Variants in MAP3K3 observed in about 807,000 individuals in gnomAD.
The protein encoded by MAP3K3 is mitogen-activated protein kinase kinase kinase 3, also known as MAP/ERK kinase kinase 3.
In MAP3K3, 12 loss-of-function variants were observed where a neutral mutation model predicts 80.9. The observed-to-expected ratio is 0.15, with a 90% CI of 0.10 to 0.24. The LOEUF is 0.24. Ranked by LOEUF, MAP3K3 falls within the 10% of genes least tolerant of loss-of-function variation. MAP3K3 has a pLI of 1.00. For missense variants in MAP3K3, 596 were observed against 834.7 expected, an observed-to-expected ratio of 0.71 and a Z score of 3.52; for synonymous variants, 272 against 307.1, an observed-to-expected ratio of 0.89 and a Z score of 1.19.
intron 2 of MAP3K3, among the ~76,000 whole-genome samples, chr17:63,644,645 A>G (rs1462647829): frequency 1.3e-5 from 2 of 152,264 alleles, no homozygotes; most frequent in African/African-American, 2.4e-5. Flanking sequence ...TACAGTGTAA[A>G]TTAGAACCAC....
intron 5 of MAP3K3, among the ~76,000 whole-genome samples, chr17:63,662,227 G>A (rs1417496814): frequency 1.2e-4 from 17 of 138,694 alleles, no homozygotes; most frequent in Non-Finnish European, 3.1e-5. Context: ...GCAACATGGC[G>A]AAACCCTGTC....
intron 3 of MAP3K3, among the ~76,000 whole-genome samples, chr17:63,650,723 A>T (rs966811285): frequency 1.6e-5 from 2 of 127,192 alleles, no homozygotes; most frequent in Admixed American, 8.9e-5. Flanking sequence ...ACAGGGTCTC[A>T]TTCTGTTGCC....
intron 7 of MAP3K3, among the ~76,000 whole-genome samples, chr17:63,684,420 T>TACA (rs1231246937): frequency 2.0e-5 from 3 of 152,244 alleles, no homozygotes; most frequent in Non-Finnish European, 4.4e-5. Flanking sequence ...CCACTTTGGC[T>TACA]ATCCTATATC....
At chr17:63,690,615 G>A (rs1208952116) in intron 12 of MAP3K3, 2 of 590,998 alleles carry the variant, frequency 3.4e-6, no homozygotes, top group African/African-American at 3.7e-5. Flanking sequence ...GGAGGGATTG[G>A]GTGTAAGGAA....
chr17:63,681,703 C>T, intron 6 of MAP3K3, 63 bp from the exon 7 acceptor site: 1 of 1,344,304 alleles, frequency 7.4e-7, no homozygotes, highest in Non-Finnish European at 9.7e-7. Context: ...TGGCCCCATG[C>T]CTGCTCCTCT....
intron 1 of MAP3K3, among the ~76,000 whole-genome samples, chr17:63,624,221 A>G (rs2034053972): frequency 6.6e-6 from 1 of 152,196 alleles, no homozygotes; most frequent in African/African-American, 2.4e-5. Flanking sequence ...ATTCTTGTCT[A>G]CCCCAGGATT....
At chr17:63,657,971 C>A in intron 5 of MAP3K3, 64 bp downstream of exon 5, 2 of 910,972 alleles carry the variant, frequency 2.2e-6, no homozygotes, top group South Asian at 1.5e-5. Flanking sequence ...AGGAACTTGT[C>A]TCGCCTCCTT....
intron 7 of MAP3K3, among the ~76,000 whole-genome samples, chr17:63,684,217 G>A (rs533708426): frequency 3.9e-5 from 6 of 152,196 alleles, no homozygotes; most frequent in East Asian, 1.9e-4. Flanking sequence ...CATAAAGAAC[G>A]TCATTTTTTA....
intron 11 of MAP3K3, 104 bp from the exon 12 acceptor site, chr17:63,690,160 C>A: frequency 1.5e-6 from 2 of 1,317,288 alleles, no homozygotes; most frequent in Non-Finnish European, 2.1e-6. Flanking sequence ...ATGATGGGTG[C>A]TGGGTGAGGG....
chr17:63,622,963 C>T (rs2034022035), intron 1 of MAP3K3, among the ~76,000 whole-genome samples, 200 bp downstream of exon 1: 1 of 146,142 alleles, frequency 6.8e-6, no homozygotes, highest in African/African-American at 2.5e-5. Flanking sequence ...CGCGGGGCGG[C>T]CCGGCCGGCA....
Position 63,693,700 on chromosome 17 carries a change from C to T in MAP3K3, c.1804C>T (p.Arg602Cys), listed in dbSNP as rs549447984. 32 of 1,606,444 alleles carry T rather than the reference C, an allele frequency of 2.0e-5. No individual in the cohort carries two copies. Among genetic ancestry groups the T allele is most frequent in the Non-Finnish European group, 2.0e-5 (24 of 1,175,016 alleles). The change falls in exon 16 of 16, where the codon CGC becomes TGC. Residue 602 changes from arginine (R) to cysteine (C), a missense_variant. Transcript: ENST00000361733. The surrounding 1 kb of genome is among the most constrained non-coding windows in gnomAD (Gnocchi z 4.2). The stretch of plus-strand genomic sequence containing the variant: ...TGAACATGGCCGGGACTTCCTGAGG[C>T]GCATTTTTGTGGAGGCTCGCCAGAG... ...ISEHGRDFLR[R>C]IFVEARQRPS...
chr17:63,632,036 C>G (rs1383338570), intron 1 of MAP3K3, among the ~76,000 whole-genome samples: 1 of 152,140 alleles, frequency 6.6e-6, no homozygotes, highest in Non-Finnish European at 1.5e-5. Context: ...TCATTCAGTA[C>G]CATATTACAT....
chr17:63,666,102 T>C (rs1287141890), intron 5 of MAP3K3, among the ~76,000 whole-genome samples: 1 of 152,142 alleles, frequency 6.6e-6, no homozygotes, highest in African/African-American at 2.4e-5. Flanking sequence ...GGCCCCCCTT[T>C]GTTGCTTAGT....
chr17:63,641,325 C>T (rs1052263369), intron 2 of MAP3K3, among the ~76,000 whole-genome samples: 4 of 151,726 alleles, frequency 2.6e-5, no homozygotes, highest in Non-Finnish European at 4.4e-5. Context: ...TTGCTGCAAC[C>T]TCCACTTCCT....
At position 63,693,887 on chromosome 17, in the gene MAP3K3, G is replaced by A. The variant is rs542302618; in HGVS notation, c.*110G>A. On this transcript the variant is annotated 3_prime_UTR_variant, in exon 16 of 16. Coordinates refer to ENST00000361733, the MANE Select transcript of MAP3K3 (RefSeq NM_002401.5). This position sits in a 1 kb window ranked among gnomAD's most constrained non-coding sequence, Gnocchi z 4.2. ...CAGGCAAGGCTGTGGACCATGGAGT[G>A]GCAGCCCAGCCAGCGTCGGTCTGTG... 1.7e-4 allele frequency: 169 copies of A among 967,006 alleles called. No individual in the cohort carries two copies. In the African/African-American group the frequency reaches 2.3e-3, roughly 13 times the overall value. The allele number at this position is 967,006 out of a possible 1,614,324, so 59.9% of individuals were successfully genotyped here.
Position 63,647,629 on chromosome 17 carries a change from GA to G in MAP3K3, c.167+1559del, listed in dbSNP as rs577910464. ...GCAGAACGTTGCTTATCAAGGTTTT[GA>G]AAATGGTGCATTCTCTTTTTACGGA... On this transcript the variant is annotated intron_variant, in intron 3 of 15. Transcript: ENST00000361733. 3.3e-3 allele frequency among the ~76,000 whole-genome samples: 496 copies of G among 152,284 alleles called. 1 individual carries two copies. The highest frequency in any genetic ancestry group is 5.4e-3 in the Non-Finnish European group (368 of 68,034).
chr17:63,645,287 A>T (rs2034519519), intron 2 of MAP3K3, among the ~76,000 whole-genome samples: 1 of 151,998 alleles, frequency 6.6e-6, no homozygotes, highest in Non-Finnish European at 1.5e-5. Context: ...TGGGTGACAG[A>T]GTGACACTCC....
rs147563538 is a variant in MAP3K3, at chr17:63,691,779, G to A, written c.1391G>A (p.Ser464Asn). Reference protein sequence around the residue: ...QLKAYGALTESVTRKYTRQIL... With the variant: ...QLKAYGALTENVTRKYTRQIL... ...AAGGCTTACGGTGCTCTGACAGAGAGCGTGACCCGAAAGTACACGCGGCAG... is the reference window on the plus strand; with the variant it reads ...AAGGCTTACGGTGCTCTGACAGAGAACGTGACCCGAAAGTACACGCGGCAG... Residue 464 changes from serine to asparagine, a missense_variant, in exon 14 of 16, where the codon AGC (serine) becomes AAC (asparagine). By Grantham distance (46) the Ser-to-Asn change is conservative. Around this residue, in one of 2 missense-constraint regions of MAP3K3, gnomAD observed 364 missense variants for 588.9 expected, o/e 0.62. Coordinates refer to ENST00000361733, the MANE Select transcript of MAP3K3 (RefSeq NM_002401.5). The surrounding 1 kb of genome is among the most constrained non-coding windows in gnomAD (Gnocchi z 4.8). 1.1e-5 allele frequency: 17 copies of A among 1,614,020 alleles called. No individual in the cohort carries two copies. In the African/African-American group the frequency reaches 2.1e-4, roughly 20 times the overall value.
intron 6 of MAP3K3, among the ~76,000 whole-genome samples, chr17:63,676,400 C>T (rs1461685782): frequency 6.6e-6 from 1 of 152,178 alleles, no homozygotes; most frequent in Non-Finnish European, 1.5e-5. Flanking sequence ...GGAAGTCTCA[C>T]CCCAGACACT....
Sources: gnomAD v4.1 joint callset for allele counts (sites outside exome capture counted in the v4.1 genomes callset) on GRCh38, gnomAD v4.1.1 for gene constraint, gnomAD v4.1.1 regional missense constraint, Gnocchi (gnomAD v3.1) non-coding constraint, MANE v1.5 for transcripts, NCBI Gene and HGNC (gene_info 2026-07-23, HGNC 2026-07-21) for gene names.